Variants in IGSF10 observed in about 807,000 individuals in gnomAD.
IGSF10 encodes immunoglobulin superfamily member 10.
A neutral mutation model predicts 128.2 loss-of-function variants in IGSF10; 126 were observed. The observed-to-expected ratio is 0.98, with a 90% CI of 0.85 to 1.14. The LOEUF is 1.14. IGSF10 is among the 50% of genes most tolerant of loss of function. The pLI, the probability that IGSF10 is intolerant of heterozygous loss-of-function variation, is 0.00. For synonymous variants in IGSF10, 1,185 were observed against 1,146.2 expected (o/e 1.03, Z -0.68); for missense variants, 3,295 against 3,149.8 (o/e 1.05, Z -1.10).
At chr3:151,613,790 A>G in the IGSF10 span, among the ~76,000 whole-genome samples, 118 of 152,330 alleles carry the variant, frequency 7.7e-4, 1 homozygote, top group East Asian at 0.011. Flanking sequence ...CTAAAACACC[A>G]AAAGCAATGG....
chr3:151,451,172 T>C (rs965897887), intron 5 of IGSF10, among the ~76,000 whole-genome samples: 2 of 152,030 alleles, frequency 1.3e-5, no homozygotes, highest in African/African-American at 4.8e-5. Context: ...TGGAAATCCT[T>C]TCCATTCCTC....
At chr3:151,543,469 C>G in the IGSF10 span, among the ~76,000 whole-genome samples, 4 of 151,920 alleles carry the variant, frequency 2.6e-5, no homozygotes, top group Non-Finnish European at 4.4e-5. Flanking sequence ...AACTCTTTCT[C>G]TCTCTGGGCA....
At chr3:151,482,641 T>C in the IGSF10 span, among the ~76,000 whole-genome samples, 2 of 152,192 alleles carry the variant, frequency 1.3e-5, no homozygotes, top group South Asian at 4.1e-4. Flanking sequence ...AAAATAATTG[T>C]GGGGAAATCC....
chr3:151,513,564 A>G, the IGSF10 span, among the ~76,000 whole-genome samples: 1 of 152,178 alleles, frequency 6.6e-6, no homozygotes, highest in African/African-American at 2.4e-5. Context: ...CTGGCACAAG[A>G]CAGGGATGCC....
At chr3:151,610,286 A>C in the IGSF10 span, among the ~76,000 whole-genome samples, 1 of 152,236 alleles carries the variant, frequency 6.6e-6, no homozygotes, top group African/African-American at 2.4e-5. Flanking sequence ...AAATATTGAT[A>C]GAACATTTCC....
At chr3:151,567,932 C>A in the IGSF10 span, among the ~76,000 whole-genome samples, 1 of 152,154 alleles carries the variant, frequency 6.6e-6, no homozygotes, top group African/African-American at 2.4e-5. Context: ...AGTGCAAACA[C>A]CTTCTTCCTT....
chr3:151,470,695 A>ACTATAGC, the IGSF10 span, among the ~76,000 whole-genome samples: 1 of 152,180 alleles, frequency 6.6e-6, no homozygotes, highest in Non-Finnish European at 1.5e-5. Flanking sequence ...CCCATTGCAT[A>ACTATAGC]CTATAGCCTG....
chr3:151,485,278 G>T, the IGSF10 span, among the ~76,000 whole-genome samples: 1 of 152,082 alleles, frequency 6.6e-6, no homozygotes, highest in Non-Finnish European at 1.5e-5. Flanking sequence ...AATGAACAAA[G>T]CCTCCAAGAA....
At chr3:151,506,078 A>G in the IGSF10 span, among the ~76,000 whole-genome samples, 17 of 152,172 alleles carry the variant, frequency 1.1e-4, no homozygotes, top group African/African-American at 3.6e-4. Context: ...CAGCCTCCCA[A>G]GTAGCTGGGA....
At chr3:151,534,796 A>AGTGTGTGTGTGTGTGTGT in the IGSF10 span, among the ~76,000 whole-genome samples, 12 of 129,350 alleles carry the variant, frequency 9.3e-5, 1 homozygote, top group Non-Finnish European at 1.7e-4. Flanking sequence ...CAGAATTTAA[A>AGTGTGTGTGTGTGTGTGT]GTGTATGTGT....
chr3:151,463,310 A>G (rs982122772), upstream of IGSF10, among the ~76,000 whole-genome samples: 2 of 152,086 alleles, frequency 1.3e-5, no homozygotes, highest in African/African-American at 4.8e-5. Flanking sequence ...TAATATTTGT[A>G]ATTACTTTTA....
the IGSF10 span, among the ~76,000 whole-genome samples, chr3:151,541,373 CA>C: frequency 3.3e-5 from 5 of 152,020 alleles, no homozygotes; most frequent in Non-Finnish European, 7.4e-5. Flanking sequence ...TGAGTCATGT[CA>C]AAAAAATCAT....
At chr3:151,525,002 CTTTTTTTTTTTTTTTTTTTTTTTT>C in the IGSF10 span, among the ~76,000 whole-genome samples, 10 of 49,738 alleles carry the variant, frequency 2.0e-4, no homozygotes, top group East Asian at 8.2e-4. Flanking sequence ...TGCATTACAC[CTTTTTTTTTTTTTTTTTTTTTTTT>C]TTTTTTTTTT....
At chr3:151,607,168 G>C in the IGSF10 span, among the ~76,000 whole-genome samples, 1 of 152,262 alleles carries the variant, frequency 6.6e-6, no homozygotes, top group Non-Finnish European at 1.5e-5. Flanking sequence ...GGGTGGAATC[G>C]TAAATGAAAG....
At chr3:151,434,299 C>T (rs1440199527), downstream of IGSF10, 3 of 152,052 alleles carry the variant, frequency 2.0e-5, no homozygotes, top group Non-Finnish European at 4.4e-5. Context: ...TAATTTATAT[C>T]TTCCTGGGTG....
At chr3:151,521,218 A>C in the IGSF10 span, among the ~76,000 whole-genome samples, 1 of 152,008 alleles carries the variant, frequency 6.6e-6, no homozygotes, top group Non-Finnish European at 1.5e-5. Context: ...CCAGATTCAT[A>C]AAGAAAGTTC....
chr3:151,432,617 G>C, downstream of IGSF10: 1 of 623,088 alleles, frequency 1.6e-6, no homozygotes. Flanking sequence ...GTTTTTCAGG[G>C]CAAGGATAGT....
chr3:151,495,613 A>G, the IGSF10 span, among the ~76,000 whole-genome samples: 43,481 of 151,948 alleles, frequency 0.29, 6,865 homozygotes, highest in Middle Eastern at 0.39. Flanking sequence ...ACTAATAACA[A>G]GCATCCCAAA....
chr3:151,462,608 T>A (rs1722102520), upstream of IGSF10, among the ~76,000 whole-genome samples: 1 of 152,214 alleles, frequency 6.6e-6, no homozygotes, highest in Admixed American at 6.5e-5. Context: ...AGCCGTTAAT[T>A]CAAACTCAGG....
Sources: gnomAD v4.1 joint callset for allele counts (sites outside exome capture counted in the v4.1 genomes callset) on GRCh38, gnomAD v4.1.1 for gene constraint, MANE v1.5 for transcripts, NCBI Gene and HGNC (gene_info 2026-07-23, HGNC 2026-07-21) for gene names.